The following TMC1 variants were observed in gnomAD, a reference collection of about 807,000 sequenced individuals.
TMC1 encodes transmembrane channel like 1.
Under a neutral mutation model 105.8 loss-of-function variants are expected in TMC1, and 84 were observed. The observed-to-expected ratio is 0.79, with a 90% CI of 0.67 to 0.95. TMC1 has a LOEUF of 0.95. Among genes scored for constraint, TMC1 ranks in the 40% least tolerant of loss-of-function variants. TMC1 has a pLI of 0.00. For synonymous variants in TMC1, 315 were observed against 311.5 expected (o/e 1.01, Z -0.12); for missense variants, 817 against 914.1 (o/e 0.89, Z 1.37).
chr9:72,767,399 A>G (rs1391673911), intron 12 of TMC1, among the ~76,000 whole-genome samples: 1 of 152,228 alleles, frequency 6.6e-6, no homozygotes. Flanking sequence ...GAGAAACACC[A>G]AAGGGATGCA....
intron 1 of TMC1, among the ~76,000 whole-genome samples, chr9:72,537,113 C>T (rs746696371): frequency 6.6e-6 from 1 of 152,166 alleles, no homozygotes; most frequent in Non-Finnish European, 1.5e-5. Flanking sequence ...GCCATTGGAG[C>T]CATGGATGGA....
chr9:72,754,409 C>G (rs964429752), intron 11 of TMC1, among the ~76,000 whole-genome samples: 2 of 152,102 alleles, frequency 1.3e-5, no homozygotes, highest in Non-Finnish European at 2.9e-5. Context: ...GGGGTATTCT[C>G]TTATGAAAGT....
At chr9:72,553,253 G>A (rs955403781) in intron 1 of TMC1, among the ~76,000 whole-genome samples, 1 of 152,126 alleles carries the variant, frequency 6.6e-6, no homozygotes, top group Non-Finnish European at 1.5e-5. Flanking sequence ...GATTATAGGC[G>A]TGAGTCACCA....
intron 8 of TMC1, among the ~76,000 whole-genome samples, chr9:72,722,740 G>A (rs530975489): frequency 3.3e-5 from 5 of 152,258 alleles, no homozygotes; most frequent in Admixed American, 3.3e-4. Flanking sequence ...AACATGACTG[G>A]ATGTTTAAAG....
chr9:72,826,725 C>A, intron 20 of TMC1, 144 bp from the exon 21 acceptor site: 1 of 826,724 alleles, frequency 1.2e-6, no homozygotes, highest in Non-Finnish European at 2.0e-6. Context: ...GTCAAAGTGT[C>A]AGCAAGTTGT....
chr9:72,728,886 A>T (rs1428675549), intron 8 of TMC1, among the ~76,000 whole-genome samples: 1 of 152,024 alleles, frequency 6.6e-6, no homozygotes, highest in African/African-American at 2.4e-5. Context: ...TTTTATTTTT[A>T]AATTTTTCAT....
intron 18 of TMC1, 98 bp downstream of exon 18, chr9:72,805,608 G>A (rs1828562113): frequency 6.0e-6 from 7 of 1,158,528 alleles, no homozygotes; most frequent in Admixed American, 2.4e-5. Flanking sequence ...ATTTGGCAGG[G>A]TCATAGGACA....
intron 7 of TMC1, among the ~76,000 whole-genome samples, chr9:72,698,878 A>T (rs1214207103): frequency 2.0e-5 from 3 of 152,162 alleles, no homozygotes; most frequent in Non-Finnish European, 4.4e-5. Flanking sequence ...TATGGCAAGG[A>T]CGCTCAGCTC....
intron 4 of TMC1, among the ~76,000 whole-genome samples, chr9:72,628,752 T>C (rs572008949): frequency 2.6e-5 from 4 of 152,326 alleles, no homozygotes. Context: ...TACCAGATAA[T>C]TGGATCATGT....
intron 23 of TMC1, among the ~76,000 whole-genome samples, chr9:72,833,471 C>T (rs1829074083): frequency 6.6e-6 from 1 of 152,174 alleles, no homozygotes; most frequent in Non-Finnish European, 1.5e-5. Flanking sequence ...GTCTGGGATA[C>T]AGCTGTCATC....
intron 23 of TMC1, among the ~76,000 whole-genome samples, chr9:72,832,663 CCTT>C (rs1258642114): frequency 1.3e-5 from 2 of 152,018 alleles, no homozygotes; most frequent in African/African-American, 2.4e-5. Flanking sequence ...GGTTTTGTTG[CCTT>C]CTTTATGCTT....
intron 2 of TMC1, among the ~76,000 whole-genome samples, chr9:72,607,275 T>C (rs1032368911): frequency 2.6e-5 from 4 of 152,116 alleles, no homozygotes; most frequent in African/African-American, 4.8e-5. Context: ...GAAGCACAGA[T>C]TGATTTCTTC....
chr9:72,746,745 C>T (rs1012945522), intron 10 of TMC1, among the ~76,000 whole-genome samples: 1 of 152,164 alleles, frequency 6.6e-6, no homozygotes, highest in South Asian at 2.1e-4. Flanking sequence ...CGGATTCTCA[C>T]CTGATGACTC....
chr9:72,628,984 A>G (rs1825401359), intron 4 of TMC1, among the ~76,000 whole-genome samples: 1 of 152,240 alleles, frequency 6.6e-6, no homozygotes, highest in African/African-American at 2.4e-5. Context: ...AATATTTATC[A>G]TAATGGAAAT....
chr9:72,530,661 C>T (rs1446837556), intron 1 of TMC1, among the ~76,000 whole-genome samples: 1 of 150,382 alleles, frequency 6.6e-6, no homozygotes, highest in Non-Finnish European at 1.5e-5. Context: ...ATCTTTATAT[C>T]TTTGTGTTTC....
intron 1 of TMC1, among the ~76,000 whole-genome samples, chr9:72,568,399 G>A (rs1281181737): frequency 6.6e-6 from 1 of 152,162 alleles, no homozygotes; most frequent in Non-Finnish European, 1.5e-5. Context: ...TTCTATTCTA[G>A]TTATGAATAT....
At chr9:72,576,537 G>A (rs1372724482) in intron 1 of TMC1, among the ~76,000 whole-genome samples, 1 of 151,718 alleles carries the variant, frequency 6.6e-6, no homozygotes, top group Non-Finnish European at 1.5e-5. Context: ...GGGATGTCAA[G>A]ATGAATCAGT....
At chr9:72,558,258 C>A (rs1795116391) in intron 1 of TMC1, among the ~76,000 whole-genome samples, 1 of 151,904 alleles carries the variant, frequency 6.6e-6, no homozygotes, top group Non-Finnish European at 1.5e-5. Context: ...TTTACATAAA[C>A]AAAATTCCCA....
intron 4 of TMC1, among the ~76,000 whole-genome samples, chr9:72,633,580 A>G (rs574237693): frequency 6.6e-6 from 1 of 152,280 alleles, no homozygotes; most frequent in East Asian, 1.9e-4. Flanking sequence ...ATTCTGTAAA[A>G]TGAGTTTATT....
Sources: allele counts gnomAD v4.1 joint callset (sites outside exome capture counted in the v4.1 genomes callset), GRCh38; gene constraint gnomAD v4.1.1; transcripts MANE v1.5; gene names NCBI Gene and HGNC (gene_info 2026-07-23, HGNC 2026-07-21).